Variants in FGF13 observed in about 807,000 individuals in gnomAD.
FGF13 encodes fibroblast growth factor homologous factor 2.
A neutral mutation model predicts 19.5 loss-of-function variants in FGF13; 2 were observed. The ratio of observed to expected loss-of-function variants is 0.10; its 90% confidence interval spans 0.04 to 0.32. The LOEUF is 0.32. FGF13 is among the 10% of genes least tolerant of loss of function. The pLI is 1.00. For synonymous variants in FGF13, 72 were observed against 76.9 expected, an observed-to-expected ratio of 0.94 and a Z score of 0.33; for missense variants, 113 against 192.7, an observed-to-expected ratio of 0.59 and a Z score of 2.45.
At chrX:139,182,563 G>A (rs1219723489) in intron 1 of FGF13, among the ~76,000 whole-genome samples, 3 of 111,813 alleles carry the variant, frequency 2.7e-5, no homozygotes, top group Non-Finnish European at 5.6e-5. Flanking sequence ...CTGCTGATTC[G>A]GGCCTGTCAC....
At chrX:138,834,095 T>C (rs2091093753) in intron 3 of FGF13, among the ~76,000 whole-genome samples, 1 of 111,650 alleles carries the variant, frequency 9.0e-6, no homozygotes, top group South Asian at 3.7e-4. Context: ...GTTGAGGATA[T>C]TGGCCTGAAG....
chrX:139,091,447 G>T (rs1452231913), intron 1 of FGF13, among the ~76,000 whole-genome samples: 1 of 111,535 alleles, frequency 9.0e-6, no homozygotes, highest in Non-Finnish European at 1.9e-5. Flanking sequence ...GGTGGGGTAA[G>T]GCCACTACAA....
chrX:139,033,050 A>AAAAAAC (rs1569444633), intron 1 of FGF13, among the ~76,000 whole-genome samples: 9 of 98,988 alleles, frequency 9.1e-5, no homozygotes, highest in African/African-American at 3.0e-4. Context: ...AAAAAAAAAA[A>AAAAAAC]AAAAACTACA....
intron 1 of FGF13, among the ~76,000 whole-genome samples, chrX:139,138,999 G>A (rs984096662): frequency 1.9e-5 from 2 of 103,486 alleles, no homozygotes; most frequent in Non-Finnish European, 3.9e-5. Context: ...GTGCAATGTC[G>A]GCTCACTGCA....
intron 1 of FGF13, among the ~76,000 whole-genome samples, chrX:138,725,242 G>A (rs1365867374): frequency 9.0e-6 from 1 of 111,395 alleles, no homozygotes. Flanking sequence ...TGGAAAAGAT[G>A]TATGTAAAAT....
intron 1 of FGF13, among the ~76,000 whole-genome samples, chrX:139,142,444 TTTAA>T (rs1449589303): frequency 8.9e-6 from 1 of 112,047 alleles, no homozygotes; most frequent in Non-Finnish European, 1.9e-5. Flanking sequence ...TCAGGAAAAC[TTTAA>T]TTAAGTACAC....
rs776905053 is a variant in FGF13 at position 138,915,447 on chromosome X, G to A, written c.-112-50797C>T. 8.9e-5 allele frequency among the ~76,000 whole-genome samples: 10 copies of A among 111,860 alleles called. No homozygotes were observed. The South Asian group carries it at 1.1e-3, about 13-fold the overall frequency. ...ATGCATTCTTGTTTGCTTGGCCACC[G>A]ACCTAATCTATGTTCTACAAGCAGC... On this transcript the variant is annotated intron_variant, in intron 1 of 2. Transcript: ENST00000421460.
intron 1 of FGF13, among the ~76,000 whole-genome samples, chrX:139,178,784 G>C (rs776211141): frequency 2.9e-4 from 33 of 112,163 alleles, no homozygotes; most frequent in Admixed American, 8.5e-4. Context: ...TAATTTTGGT[G>C]TGAGGTTTGT....
chrX:138,727,055 C>T (rs760827980), intron 1 of FGF13, among the ~76,000 whole-genome samples: 4 of 110,868 alleles, frequency 3.6e-5, no homozygotes, highest in African/African-American at 9.8e-5. Context: ...AATAATCCTT[C>T]GAAGTAGGTA....
chrX:138,899,739 CT>C (rs1821384996), intron 1 of FGF13, among the ~76,000 whole-genome samples: 1 of 111,115 alleles, frequency 9.0e-6, no homozygotes, highest in South Asian at 3.8e-4. Flanking sequence ...AAAAAAGAAC[CT>C]TCTATGCAGT....
At chrX:138,912,350 C>T (rs2091592379) in intron 1 of FGF13, among the ~76,000 whole-genome samples, 1 of 111,266 alleles carries the variant, frequency 9.0e-6, no homozygotes, top group South Asian at 3.9e-4. Context: ...ACATAGGAAA[C>T]AGGGAAAGAC....
intron 1 of FGF13, among the ~76,000 whole-genome samples, chrX:139,145,250 G>T (rs1343647697): frequency 9.0e-6 from 1 of 111,152 alleles, no homozygotes; most frequent in Admixed American, 9.6e-5. Context: ...TAGTGAGGAG[G>T]AATCAAATCA....
intron 1 of FGF13, among the ~76,000 whole-genome samples, chrX:139,121,722 G>A (rs943307585): frequency 5.4e-5 from 6 of 110,775 alleles, no homozygotes; most frequent in African/African-American, 9.9e-5. Flanking sequence ...GTATTTAATC[G>A]GGTATACAGA....
At chrX:138,885,998 A>G (rs997618048) in intron 1 of FGF13, among the ~76,000 whole-genome samples, 1 of 111,467 alleles carries the variant, frequency 9.0e-6, no homozygotes, top group African/African-American at 3.3e-5. Flanking sequence ...CGGTAATGGT[A>G]TTGTTTATTC....
chrX:138,714,403 T>A (rs747743073), upstream of FGF13: 2 of 112,440 alleles, frequency 1.8e-5, no homozygotes, highest in Admixed American at 1.9e-4. Context: ...CCCAGAATTT[T>A]GGGAGGCTGA....
chrX:139,054,113 G>A (rs758562510), intron 1 of FGF13, among the ~76,000 whole-genome samples: 2 of 92,589 alleles, frequency 2.2e-5, no homozygotes, highest in African/African-American at 8.0e-5. Context: ...ATTGGTCTAC[G>A]TGCCTTTTTT....
At chrX:138,668,861 G>A (rs1473636370) in intron 3 of FGF13, among the ~76,000 whole-genome samples, 1 of 111,233 alleles carries the variant, frequency 9.0e-6, no homozygotes, top group East Asian at 2.8e-4. Context: ...CTGTAGAAAG[G>A]AGAAATAAGG....
upstream of FGF13, among the ~76,000 whole-genome samples, chrX:138,712,879 A>G (rs2090067822): frequency 8.9e-6 from 1 of 111,873 alleles, no homozygotes; most frequent in Non-Finnish European, 1.9e-5. Flanking sequence ...TGACTACCCA[A>G]CAAACAAGCT....
intron 1 of FGF13, among the ~76,000 whole-genome samples, chrX:138,917,127 T>TAAGTGG (rs2091621747): frequency 1.8e-5 from 2 of 111,979 alleles, no homozygotes; most frequent in African/African-American, 6.5e-5. Context: ...ATTGAATTAC[T>TAAGTGG]AAGTGGCCTA....
Sources: gnomAD v4.1 joint callset for allele counts (sites outside exome capture counted in the v4.1 genomes callset) on GRCh38, gnomAD v4.1.1 for gene constraint, MANE v1.5 for transcripts, NCBI Gene and HGNC (gene_info 2026-07-23, HGNC 2026-07-21) for gene names.